Variants in PRKAR1A observed in about 807,000 individuals in gnomAD.
PRKAR1A encodes protein kinase cAMP-dependent type I regulatory subunit alpha.
In PRKAR1A, 3 loss-of-function variants were observed where a neutral mutation model predicts 52.0. The observed-to-expected ratio is 0.06, with a 90% CI of 0.03 to 0.15. The LOEUF is 0.15. PRKAR1A is among the 10% of genes least tolerant of loss of function. The pLI, the probability that PRKAR1A is intolerant of heterozygous loss-of-function variation, is 1.00. For missense variants in PRKAR1A, 240 were observed against 477.4 expected (o/e 0.50, Z 4.63); for synonymous variants, 188 against 168.4 (o/e 1.12, Z -0.90).
At chr17:68,422,074 T>C in the PRKAR1A span, 37 of 475,372 alleles carry the variant, frequency 7.8e-5, 1 homozygote, top group East Asian at 1.2e-3. Context: ...TATATGTATA[T>C]GTATATATTT....
chr17:68,536,673 A>C, downstream of PRKAR1A: 1 of 452,428 alleles, frequency 2.2e-6, no homozygotes, highest in Non-Finnish European at 4.4e-6. Flanking sequence ...TTCCTGCCTT[A>C]CTCCAGGCTT....
the PRKAR1A span, among the ~76,000 whole-genome samples, chr17:68,479,077 CTT>C: frequency 1.3e-5 from 2 of 152,196 alleles, no homozygotes; most frequent in African/African-American, 4.8e-5. Context: ...AGGGAAAAAA[CTT>C]AGAATGCTTT....
At chr17:68,449,666 G>A in the PRKAR1A span, among the ~76,000 whole-genome samples, 1 of 152,102 alleles carries the variant, frequency 6.6e-6, no homozygotes, top group African/African-American at 2.4e-5. Context: ...GCCTGCTCCC[G>A]CTTTGCCTTC....
chr17:68,437,447 C>T, the PRKAR1A span, among the ~76,000 whole-genome samples: 15 of 150,952 alleles, frequency 9.9e-5, no homozygotes, highest in African/African-American at 3.4e-4. Context: ...CCCAGCTACT[C>T]GGGAGGCTGA....
chr17:68,441,634 G>C, the PRKAR1A span, among the ~76,000 whole-genome samples: 1 of 152,190 alleles, frequency 6.6e-6, no homozygotes, highest in Non-Finnish European at 1.5e-5. Context: ...CCTGTGCAAG[G>C]CTGTCCTATG....
chr17:68,415,752 G>A, the PRKAR1A span, among the ~76,000 whole-genome samples: 10 of 152,198 alleles, frequency 6.6e-5, no homozygotes, highest in South Asian at 2.1e-4. Flanking sequence ...TGTTGGACAC[G>A]GCCTTTTACC....
chr17:68,496,441 C>G, the PRKAR1A span, among the ~76,000 whole-genome samples: 1 of 152,186 alleles, frequency 6.6e-6, no homozygotes, highest in East Asian at 1.9e-4. Context: ...ATGGAAGGAC[C>G]CTTGTGATTA....
chr17:68,444,915 CTTTTTTT>C, the PRKAR1A span, among the ~76,000 whole-genome samples: 84 of 89,094 alleles, frequency 9.4e-4, no homozygotes, highest in African/African-American at 3.9e-3. Flanking sequence ...ATCCTGAACA[CTTTTTTT>C]TTTTTTTTTT....
the PRKAR1A span, among the ~76,000 whole-genome samples, chr17:68,433,266 T>G: frequency 6.6e-6 from 1 of 152,242 alleles, no homozygotes; most frequent in Non-Finnish European, 1.5e-5. Context: ...GGACGTGAAC[T>G]CACGTGGGTG....
At chr17:68,545,091 C>G (rs961130858) in intron 11 of PRKAR1A, among the ~76,000 whole-genome samples, 1 of 151,998 alleles carries the variant, frequency 6.6e-6, no homozygotes, top group Non-Finnish European at 1.5e-5. Context: ...AAATGGTGTT[C>G]GCCTTAAATT....
At chr17:68,470,706 A>G in the PRKAR1A span, among the ~76,000 whole-genome samples, 5 of 152,234 alleles carry the variant, frequency 3.3e-5, no homozygotes, top group Non-Finnish European at 5.9e-5. Context: ...CAAACAAAAA[A>G]ACAATAAAAA....
At chr17:68,424,100 T>C in the PRKAR1A span, among the ~76,000 whole-genome samples, 4 of 152,130 alleles carry the variant, frequency 2.6e-5, no homozygotes, top group Admixed American at 1.3e-4. Context: ...TTAAGGCCAG[T>C]TGGGGCCATG....
In PRKAR1A at chr17:68,531,709, CTTTCT is replaced by C; in HGVS notation, c.*1269_*1273del. 9.4e-7 allele frequency: 1 copy of C among 1,061,966 alleles called. No individual in the cohort carries two copies. Among genetic ancestry groups the C allele is most frequent in the Non-Finnish European group, 1.1e-6 (1 of 876,128 alleles). The allele number at this position is 1,061,966 out of a possible 1,614,324, so 65.8% of individuals were successfully genotyped here. On this transcript the variant is annotated 3_prime_UTR_variant, in exon 11 of 11. Coordinates refer to ENST00000589228, the MANE Select transcript of PRKAR1A (RefSeq NM_002734.5). ...GCATTTATTTCTCTGGCAAACTTTT[CTTTCT>C]TTTCTTTTTTAAAGTAAACTTGTGT...
the PRKAR1A span, among the ~76,000 whole-genome samples, chr17:68,496,678 C>G: frequency 1.3e-5 from 2 of 151,970 alleles, no homozygotes; most frequent in Non-Finnish European, 2.9e-5. Context: ...TCACTCTCCT[C>G]GAATGTAGAA....
downstream of PRKAR1A, among the ~76,000 whole-genome samples, chr17:68,534,102 A>G (rs981236208): frequency 7.2e-5 from 11 of 152,174 alleles, no homozygotes; most frequent in African/African-American, 2.7e-4. Flanking sequence ...TTCCTATGCT[A>G]TGTGATTTTT....
At chr17:68,430,655 C>T in the PRKAR1A span, among the ~76,000 whole-genome samples, 2 of 152,122 alleles carry the variant, frequency 1.3e-5, no homozygotes, top group African/African-American at 4.8e-5. Context: ...CTGGAGTCAC[C>T]CAGGTACCCA....
Position 68,515,509 on chromosome 17 carries a change from A to C in PRKAR1A, c.110A>C (p.Gln37Pro), listed in dbSNP as rs2143151932. The change falls in exon 2 of 11, where the codon CAG becomes CCG. Residue 37 changes from glutamine (Q) to proline (P), a missense_variant. By Grantham distance (76) the Gln-to-Pro change is moderately conservative (BLOSUM62 -1). Coordinates refer to ENST00000589228, the MANE Select transcript of PRKAR1A (RefSeq NM_002734.5). ...IQALLKDSIV[Q>P]LCTARPERPM... ...GCGCTGCTCAAAGATTCTATTGTGC[A>C]GTTGTGCACTGCTCGACCTGAGAGA... The C allele has an allele frequency of 6.2e-7, 1 of 1,613,360 alleles. No individual in the cohort carries two copies. The highest frequency in any genetic ancestry group is 2.2e-5 in the East Asian group (1 of 44,888).
At chr17:68,430,263 G>A in the PRKAR1A span, 2 of 1,200,544 alleles carry the variant, frequency 1.7e-6, no homozygotes, top group Non-Finnish European at 2.3e-6. Context: ...CCCGCAGCAG[G>A]GAGAGACTGT....
At chr17:68,513,147 T>G (rs1002493218) in intron 1 of PRKAR1A, 5 of 152,388 alleles carry the variant, frequency 3.3e-5, no homozygotes, top group Non-Finnish European at 7.3e-5. Context: ...TGAGGCCTCC[T>G]CGCCACCACT....
Sources: gnomAD v4.1 joint callset for allele counts (sites outside exome capture counted in the v4.1 genomes callset) on GRCh38, gnomAD v4.1.1 for gene constraint, MANE v1.5 for transcripts, NCBI Gene and HGNC (gene_info 2026-07-23, HGNC 2026-07-21) for gene names.